The following ZFHX3 variants were observed in gnomAD, a reference collection of about 807,000 sequenced individuals.
The protein encoded by ZFHX3 is zinc finger homeobox 3, also known as zinc finger homeobox protein 3.
A neutral mutation model predicts 279.1 loss-of-function variants in ZFHX3; 42 were observed. That is an observed-to-expected ratio of 0.15 (90% CI 0.12 to 0.19). The LOEUF is 0.19. Among genes scored for constraint, ZFHX3 ranks in the 10% least tolerant of loss-of-function variants. ZFHX3 has a pLI of 1.00. For synonymous variants in ZFHX3, 2,293 were observed against 1,957.8 expected (o/e 1.17, Z -4.52); for missense variants, 4,981 against 4,754.0 (o/e 1.05, Z -1.40).
intron 1 of ZFHX3, among the ~76,000 whole-genome samples, chr16:73,821,312 G>A (rs183122279): frequency 1.0e-3 from 152 of 152,320 alleles, no homozygotes; most frequent in African/African-American, 3.4e-3. Flanking sequence ...GAGGAATGTG[G>A]TCGGCAGCAC....
At position 72,787,197 on chromosome 16, in the gene ZFHX3, C is replaced by CA. The variant is rs1378967002; in HGVS notation, c.11078dup (p.Thr3694AspfsTer37). 5 of 1,613,308 alleles carry CA rather than the reference C, an allele frequency of 3.1e-6. No individual in the cohort carries two copies. Among genetic ancestry groups the CA allele is most frequent in the Non-Finnish European group, 3.4e-6 (4 of 1,179,556 alleles). The stretch of plus-strand genomic sequence containing the variant: ...TGAAGGTGTCCGTTCCTACACTGGT[C>CA]AGACCACTGTCCTTGGGGCAGCTGG... On this transcript the variant is annotated frameshift_variant, in exon 10 of 10. Coordinates refer to ENST00000268489, the MANE Select transcript of ZFHX3 (RefSeq NM_006885.4). LOFTEE classifies it high-confidence loss of function.
intron 6 of ZFHX3, among the ~76,000 whole-genome samples, chr16:73,139,936 C>CAGTGCTTCTTCCACAAACCCCT (rs1213107751): frequency 1.3e-5 from 2 of 152,146 alleles, no homozygotes; most frequent in Non-Finnish European, 2.9e-5. Context: ...TCTCTCAGCT[C>CAGTGCTTCTTCCACAAACCCCT]AGTGCTTCTT....
At chr16:73,712,778 C>A (rs533296934) in intron 1 of ZFHX3, among the ~76,000 whole-genome samples, 1 of 152,166 alleles carries the variant, frequency 6.6e-6, no homozygotes, top group Non-Finnish European at 1.5e-5. Flanking sequence ...TTGTTTTCAC[C>A]GTAAGAGGGG....
At chr16:73,386,977 A>G (rs1423436210) in intron 3 of ZFHX3, 1 of 152,144 alleles carries the variant, frequency 6.6e-6, no homozygotes, top group Non-Finnish European at 1.5e-5. Flanking sequence ...CCATTTTTCC[A>G]GTAGTTTTGA....
chr16:73,163,677 C>A (rs1967293446), intron 5 of ZFHX3, among the ~76,000 whole-genome samples: 1 of 152,100 alleles, frequency 6.6e-6, no homozygotes, highest in African/African-American at 2.4e-5. Context: ...TGCACGTTTC[C>A]TGCAATGTTT....
rs569114213 is a variant in ZFHX3, at chr16:73,198,195, C to G, written c.-1103-54364G>C. ...CTAGTGATCCGCCCGCCTCAGGCTC[C>G]CAAAGTGTTAAGATTACAGGTGTGA... On this transcript the variant is annotated intron_variant, in intron 5 of 17. Transcript: ENST00000641206. 2.0e-5 allele frequency among the ~76,000 whole-genome samples: 3 copies of G among 151,954 alleles called. No homozygotes were observed. In the South Asian group the frequency reaches 6.2e-4, roughly 32 times the overall value.
At chr16:73,033,531 G>T (rs117458916) in intron 1 of ZFHX3, among the ~76,000 whole-genome samples, 4 of 150,760 alleles carry the variant, frequency 2.7e-5, no homozygotes, top group African/African-American at 7.3e-5. Flanking sequence ...GGGCAGGCGG[G>T]GGGTGGGGGG....
At chr16:73,842,287 GATGCTTCCTGCCACCAGGGGAA>G (rs1306710708) in intron 1 of ZFHX3, among the ~76,000 whole-genome samples, 1 of 152,090 alleles carries the variant, frequency 6.6e-6, no homozygotes, top group Non-Finnish European at 1.5e-5. Flanking sequence ...GGTACTGCTT[GATGCTTCCTGCCACCAGGGGAA>G]ATGGTGGCTG....
chr16:73,230,567 T>A (rs889098376), intron 5 of ZFHX3, among the ~76,000 whole-genome samples: 2 of 152,256 alleles, frequency 1.3e-5, no homozygotes, highest in African/African-American at 4.8e-5. Context: ...GGGCAGCCTT[T>A]ATGCATCCTT....
chr16:72,838,351 C>T (rs1471154233), intron 4 of ZFHX3, among the ~76,000 whole-genome samples: 1 of 112 alleles, frequency 8.9e-3, no homozygotes, highest in Admixed American at 0.25. Flanking sequence ...GGCCAGGCTG[C>T]AGCTGCGTGT....
chr16:72,855,928 G>A (rs973290813), intron 4 of ZFHX3, among the ~76,000 whole-genome samples: 1 of 152,186 alleles, frequency 6.6e-6, no homozygotes, highest in Admixed American at 6.5e-5. Context: ...CTTAAATGTC[G>A]ATTTTCTAGT....
At chr16:73,359,274 G>A (rs2016396301) in intron 3 of ZFHX3, among the ~76,000 whole-genome samples, 1 of 151,308 alleles carries the variant, frequency 6.6e-6, no homozygotes, top group Non-Finnish European at 1.5e-5. Flanking sequence ...TATTAGACTC[G>A]AAGTGGGCAC....
chr16:73,428,870 C>G lies in ZFHX3; in HGVS notation c.-1291+27133G>C, dbSNP rs1027016826. On this transcript the variant is annotated intron_variant, in intron 3 of 17. Coordinates refer to the ZFHX3 transcript ENST00000641206. Reference sequence around the variant, plus strand: ...ATTATTGGAACTGTCTTCTCTATTGCGTTCTTCCCGTCAGCCTCACCATGT... The same window carrying G: ...ATTATTGGAACTGTCTTCTCTATTGGGTTCTTCCCGTCAGCCTCACCATGT... Among the ~76,000 whole-genome samples, 3 of 152,110 alleles carry G rather than the reference C, an allele frequency of 2.0e-5. No homozygotes were observed. The East Asian group carries it at 5.8e-4, about 29-fold the overall frequency.
chr16:73,333,395 TA>T (rs1321835550), intron 3 of ZFHX3, among the ~76,000 whole-genome samples: 1 of 151,842 alleles, frequency 6.6e-6, no homozygotes, highest in African/African-American at 2.4e-5. Flanking sequence ...CATACATACA[TA>T]GACACACAGA....
intron 1 of ZFHX3, among the ~76,000 whole-genome samples, chr16:73,769,430 G>A (rs915840512): frequency 2.6e-5 from 4 of 152,134 alleles, no homozygotes; most frequent in African/African-American, 9.7e-5. Context: ...GTGTTAGTTT[G>A]TAATGTACAG....
intron 1 of ZFHX3, among the ~76,000 whole-genome samples, chr16:73,817,301 T>C (rs1487036503): frequency 1.3e-5 from 2 of 152,206 alleles, no homozygotes; most frequent in Non-Finnish European, 2.9e-5. Context: ...TACCTTCTAA[T>C]CAATGTAATT....
chr16:73,074,252 C>T (rs529863977), intron 8 of ZFHX3, among the ~76,000 whole-genome samples: 13 of 152,314 alleles, frequency 8.5e-5, no homozygotes, highest in African/African-American at 2.9e-4. Context: ...CTTCCTCACG[C>T]GGACCCTGTC....
chr16:73,702,994 G>A (rs192097804), intron 1 of ZFHX3, among the ~76,000 whole-genome samples: 1 of 152,152 alleles, frequency 6.6e-6, no homozygotes, highest in Non-Finnish European at 1.5e-5. Context: ...CGATGATAGC[G>A]ATGGTGGTGA....
At chr16:73,882,414 A>C (rs1031826737) in intron 1 of ZFHX3, among the ~76,000 whole-genome samples, 2 of 152,162 alleles carry the variant, frequency 1.3e-5, no homozygotes, top group African/African-American at 4.8e-5. Flanking sequence ...AGTGGTACAG[A>C]AACATGATCA....
Sources: allele counts gnomAD v4.1 joint callset (sites outside exome capture counted in the v4.1 genomes callset), GRCh38; gene constraint gnomAD v4.1.1; transcripts MANE v1.5; gene names NCBI Gene and HGNC (gene_info 2026-07-23, HGNC 2026-07-21).